The following ITGB8 variants were observed in gnomAD, a reference collection of about 807,000 sequenced individuals.
ITGB8 encodes integrin subunit beta 8, also known as integrin beta-8.
ITGB8 carries 30 observed loss-of-function variants against 89.5 expected under a neutral mutation model. The ratio of observed to expected loss-of-function variants is 0.34; its 90% confidence interval spans 0.25 to 0.45. ITGB8 has a LOEUF of 0.45. Among genes scored for constraint, ITGB8 ranks in the 20% least tolerant of loss-of-function variants. The probability of loss-of-function intolerance (pLI) is 1.00; values close to 1 mark genes in which losing one functional copy is unlikely to be tolerated. For synonymous variants in ITGB8, 335 were observed against 320.4 expected, an observed-to-expected ratio of 1.05 and a Z score of -0.49; for missense variants, 836 against 933.3, an observed-to-expected ratio of 0.90 and a Z score of 1.36.
chr7:20,340,786 C>T (rs896267077), intron 1 of ITGB8, among the ~76,000 whole-genome samples: 1 of 152,012 alleles, frequency 6.6e-6, no homozygotes, highest in Non-Finnish European at 1.5e-5. Context: ...AAGCTTCATC[C>T]TTATGGAATG....
Position 20,409,031 on chromosome 7 carries a change from C to T in ITGB8, c.2024-584C>T, listed in dbSNP as rs184687811. The stretch of plus-strand genomic sequence containing the variant: ...GGACACTCCTATTTCCTGGAGAAGC[C>T]GTGTATAATAAGAATGAAAATTTAC... On this transcript the variant is annotated intron_variant, in intron 12 of 13. Coordinates refer to ENST00000222573, the MANE Select transcript of ITGB8 (RefSeq NM_002214.3). Among the ~76,000 whole-genome samples the T allele has an allele frequency of 1.7e-3, 253 of 152,062 alleles. 1 individual carries two copies. Among genetic ancestry groups the T allele is most frequent in the African/African-American group, 5.6e-3 (232 of 41,462 alleles).
chr7:20,401,352 T>C (rs1562700235), intron 9 of ITGB8, among the ~76,000 whole-genome samples: 1 of 152,172 alleles, frequency 6.6e-6, no homozygotes, highest in Non-Finnish European at 1.5e-5. Flanking sequence ...TAGTGTCAAA[T>C]ATTCAATACC....
intron 6 of ITGB8, among the ~76,000 whole-genome samples, chr7:20,389,377 C>T (rs893384667): frequency 3.9e-5 from 6 of 152,046 alleles, no homozygotes; most frequent in African/African-American, 1.2e-4. Context: ...CTAATGACCA[C>T]GACTGATCTT....
intron 6 of ITGB8, among the ~76,000 whole-genome samples, chr7:20,384,294 T>TCAAGAGTCTGAAC (rs889911344): frequency 2.8e-4 from 31 of 111,574 alleles, no homozygotes; most frequent in African/African-American, 8.6e-4. Flanking sequence ...GTTTCTTGAT[T>TCAAGAGTCTGAAC]CAAGAGTCTT....
In ITGB8 at chr7:20,331,515, G is replaced by T. The variant is rs1784391127; in HGVS notation, c.-292G>T. On this transcript the variant is annotated 5_prime_UTR_variant, in exon 1 of 14. Coordinates refer to ENST00000222573, the MANE Select transcript of ITGB8 (RefSeq NM_002214.3). The stretch of plus-strand genomic sequence containing the variant: ...GAGCAGGCTGCGGAGCCCTTGCAGA[G>T]CCCTCTCTCCAGTCGCCGCCGGGGC... 5 of 432,808 alleles carry T rather than the reference G, an allele frequency of 1.2e-5. No homozygotes were observed. Among genetic ancestry groups the T allele is most frequent in the East Asian group, 1.1e-4 (3 of 28,228 alleles). The allele number at this position is 432,808 out of a possible 1,614,324, so 26.8% of individuals were successfully genotyped here. A position where few individuals can be genotyped will look rare whatever the true frequency, so the allele number is the denominator to read the frequency against.
intron 10 of ITGB8, among the ~76,000 whole-genome samples, chr7:20,404,376 A>C (rs1303450558): frequency 2.0e-5 from 3 of 152,210 alleles, no homozygotes. Context: ...GCAGCCACTG[A>C]AGCAGGGGTG....
Position 20,379,093 on chromosome 7 carries a change from A to G in ITGB8, c.431A>G (p.Lys144Arg). The change falls in exon 4 of 14, where the codon AAA becomes AGA. Residue 144 changes from lysine (K) to arginine (R), a missense_variant. This residue lies in a region of ITGB8 where 182 missense variants were observed against 177.0 expected (regional missense o/e 1.03). Coordinates refer to ENST00000222573, the MANE Select transcript of ITGB8 (RefSeq NM_002214.3). ...ATGCTGAAAGTTCATCCTCTGAAGA[A>G]ATATCCTGTGGATCTTTATTATCTT... is the stretch of plus-strand genomic sequence containing the variant. ...NFMLKVHPLK[K>R]YPVDLYYLVD... 2.5e-6 allele frequency: 4 copies of G among 1,601,850 alleles called. No homozygotes were observed. Among genetic ancestry groups the G allele is most frequent in the African/African-American group, 1.3e-5 (1 of 74,454 alleles).
In ITGB8 at chr7:20,363,730, ATT is replaced by A. The variant is rs35420999; in HGVS notation, c.213+18_213+19del. The A allele has an allele frequency of 3.7e-3, 4,794 of 1,288,934 alleles. 42 individuals are homozygous for A. The highest frequency in any genetic ancestry group is 0.034 in the African/African-American group (2,236 of 66,270). 79.8% of individuals were successfully genotyped at this position (1,288,934 alleles called of 1,614,324 possible). A position where few individuals can be genotyped will look rare whatever the true frequency, so the allele number is the denominator to read the frequency against. On this transcript the variant is annotated intron_variant, in intron 2 of 13. Coordinates refer to ENST00000222573, the MANE Select transcript of ITGB8 (RefSeq NM_002214.3). The stretch of plus-strand genomic sequence containing the variant: ...GGATGGTGTGTTCAAGAGGTGTGCC[ATT>A]TTTTTTTTTCTTTTTCTCATGGTTG...
intron 1 of ITGB8, among the ~76,000 whole-genome samples, chr7:20,362,931 A>C (rs1199610121): frequency 6.6e-6 from 1 of 152,210 alleles, no homozygotes; most frequent in East Asian, 1.9e-4. Flanking sequence ...AATATTATGG[A>C]CATGTGCAGG....
At chr7:20,355,221 C>T (rs1785251606) in intron 1 of ITGB8, among the ~76,000 whole-genome samples, 1 of 152,152 alleles carries the variant, frequency 6.6e-6, no homozygotes, top group Non-Finnish European at 1.5e-5. Context: ...AGAAAACAGG[C>T]CCCAGGCTCC....
In ITGB8 at chr7:20,413,932, T is replaced by A. The variant is rs1187775588; in HGVS notation, c.*3935T>A. 1 of 152,150 alleles carries A rather than the reference T, an allele frequency of 6.6e-6. No homozygotes were observed. Among genetic ancestry groups the A allele is most frequent in the African/African-American group, 2.4e-5 (1 of 41,460 alleles). The allele number at this position is 152,150 out of a possible 1,614,324, so 9.4% of individuals were successfully genotyped here. On this transcript the variant is annotated 3_prime_UTR_variant, in exon 14 of 14. Transcript: ENST00000222573. ...TTTTATGCAATGCAGACCACTGAGATATAGCTAACATTCTTTCAAATAATT... is the reference window on the plus strand; with the variant it reads ...TTTTATGCAATGCAGACCACTGAGAAATAGCTAACATTCTTTCAAATAATT...
intron 9 of ITGB8, among the ~76,000 whole-genome samples, chr7:20,399,774 T>G (rs1307449056): frequency 2.6e-5 from 4 of 152,206 alleles, no homozygotes; most frequent in African/African-American, 9.7e-5. Flanking sequence ...TTTAAATGAA[T>G]GACTTGGACT....
chr7:20,374,672 G>A (rs1786063564), intron 3 of ITGB8, among the ~76,000 whole-genome samples: 1 of 152,082 alleles, frequency 6.6e-6, no homozygotes, highest in East Asian at 1.9e-4. Context: ...AAGAGGTTGG[G>A]CCACCACAGG....
chr7:20,331,961 C>G (rs1784416733), intron 1 of ITGB8, 28 bp downstream of exon 1: 2 of 1,608,276 alleles, frequency 1.2e-6, no homozygotes, highest in South Asian at 1.1e-5. Context: ...GTTTTGTTTT[C>G]TTCTCTTCCC....
chr7:20,361,442 C>T (rs1405317647), intron 1 of ITGB8, among the ~76,000 whole-genome samples: 2 of 152,144 alleles, frequency 1.3e-5, no homozygotes, highest in African/African-American at 4.8e-5. Flanking sequence ...GATTAAGGTG[C>T]CAACATCCAG....
intron 1 of ITGB8, among the ~76,000 whole-genome samples, chr7:20,336,033 T>G (rs564217097): frequency 1.6e-3 from 184 of 112,262 alleles, no homozygotes; most frequent in African/African-American, 6.4e-3. Flanking sequence ...TGAGACGGAG[T>G]CTTGCTCTGT....
intron 1 of ITGB8, among the ~76,000 whole-genome samples, chr7:20,344,533 G>T (rs1461052905): frequency 6.6e-6 from 1 of 152,200 alleles, no homozygotes; most frequent in Admixed American, 6.5e-5. Flanking sequence ...TGGAAGAACA[G>T]AAGTGTCAGT....
chr7:20,395,300 G>C (rs2127976762), intron 8 of ITGB8, among the ~76,000 whole-genome samples: 1 of 152,326 alleles, frequency 6.6e-6, no homozygotes, highest in South Asian at 2.1e-4. Flanking sequence ...TTATTACCAT[G>C]AAATTGCGTC....
chr7:20,408,161 A>G (rs1787619991), intron 12 of ITGB8, among the ~76,000 whole-genome samples: 2 of 152,146 alleles, frequency 1.3e-5, no homozygotes, highest in African/African-American at 2.4e-5. Context: ...TCCTAAATCA[A>G]CCAGAGGAAA....
Sources: allele counts gnomAD v4.1 joint callset (sites outside exome capture counted in the v4.1 genomes callset), GRCh38; gene constraint gnomAD v4.1.1; regional missense constraint gnomAD v4.1.1; transcripts MANE v1.5; gene names NCBI Gene and HGNC (gene_info 2026-07-23, HGNC 2026-07-21).